CFAP92: variants seen among roughly 807,000 people sequenced by gnomAD.
The protein encoded by CFAP92 is uncharacterized protein CFAP92.
In CFAP92, 86 loss-of-function variants were observed where a neutral mutation model predicts 106.3. The observed-to-expected ratio is 0.81, with a 90% CI of 0.68 to 0.97. CFAP92 has a LOEUF of 0.97. Ranked by LOEUF, CFAP92 falls within the 50% of genes least tolerant of loss-of-function variation. The pLI, the probability that CFAP92 is intolerant of heterozygous loss-of-function variation, is 0.00. For missense variants in CFAP92, 1,204 were observed against 1,283.8 expected, an observed-to-expected ratio of 0.94 and a Z score of 0.95; for synonymous variants, 477 against 506.4, an observed-to-expected ratio of 0.94 and a Z score of 0.78.
In CFAP92 at chr3:129,001,697, T is replaced by G. The variant is rs1252331609; in HGVS notation, n.117+877A>C. 3 of 1,496,936 alleles carry G rather than the reference T, an allele frequency of 2.0e-6. No individual in the cohort carries two copies. The Admixed American group carries it at 6.4e-5, about 32-fold the overall frequency. The allele number at this position is 1,496,936 out of a possible 1,614,324, so 92.7% of individuals were successfully genotyped here. On this transcript the variant is annotated intron_variant and non_coding_transcript_variant, in intron 1 of 4. Coordinates refer to the CFAP92 transcript ENST00000510149. Reference sequence around the variant, plus strand: ...CGGGAGGTGACCCGTACCGGCGACCTGCGCGGCGCACGCAGTGGCTGCTGA... The same window carrying G: ...CGGGAGGTGACCCGTACCGGCGACCGGCGCGGCGCACGCAGTGGCTGCTGA...
chr3:128,997,021 G>A (rs1944505517), upstream of CFAP92, among the ~76,000 whole-genome samples: 1 of 152,232 alleles, frequency 6.6e-6, no homozygotes, highest in African/African-American at 2.4e-5. Context: ...ATGTCACTCT[G>A]CTACATGCCA....
In CFAP92 at chr3:128,945,879, C is replaced by T; in HGVS notation, c.1450G>A (p.Asp484Asn). The change falls in exon 10 of 16, where the codon GAC becomes AAC. Residue 484 changes from aspartate (D) to asparagine (N), a missense_variant. Physicochemically the swap from Asp to Asn is conservative, Grantham distance 23 (BLOSUM62 1). Coordinates refer to ENST00000645291, the MANE Select transcript of CFAP92 (RefSeq NM_001394090.1). ...EPHGTHVYFQDINVIFLGALH... is the reference protein window; with the variant it reads ...EPHGTHVYFQNINVIFLGALH... ...GCCCCAAGGAAGATGACGTTGATGT[C>T]CTGGAAATAAACGTGGGTTCCATGG... 1 of 1,474,072 alleles carries T rather than the reference C, an allele frequency of 6.8e-7. No homozygotes were observed. The highest frequency in any genetic ancestry group is 8.9e-7 in the Non-Finnish European group (1 of 1,120,980). 91.3% of individuals were successfully genotyped at this position (1,474,072 alleles called of 1,614,324 possible).
At chr3:128,977,966 T>C (rs776768202) in intron 5 of CFAP92, 79 bp downstream of exon 5, 355 of 1,575,044 alleles carry the variant, frequency 2.3e-4, no homozygotes, top group Middle Eastern at 6.8e-4. Flanking sequence ...TGCAGATGCA[T>C]TGCTCCAGCA....
Position 128,920,901 on chromosome 3 carries a change from C to A in CFAP92, c.2752-4630G>T, listed in dbSNP as rs185879051. ...GATTGTGTCTTAAACTAGAAGAATA[C>A]GTTTCCCATTATCTCAAGTAGCAGA... On this transcript the variant is annotated intron_variant, in intron 12 of 15. Transcript: ENST00000645291. Among the ~76,000 whole-genome samples the A allele has an allele frequency of 3.9e-5, 6 of 152,338 alleles. No individual in the cohort carries two copies. In the East Asian group the frequency reaches 5.8e-4, roughly 15 times the overall value.
intron 9 of CFAP92, among the ~76,000 whole-genome samples, chr3:128,962,782 C>A (rs1018409920): frequency 1.3e-5 from 2 of 152,140 alleles, no homozygotes; most frequent in African/African-American, 4.8e-5. Context: ...CTCTCCTTAC[C>A]ATTCCCCCAT....
chr3:128,924,168 A>T (rs1043630611), intron 12 of CFAP92, among the ~76,000 whole-genome samples: 7 of 152,156 alleles, frequency 4.6e-5, no homozygotes, highest in Non-Finnish European at 1.0e-4. Flanking sequence ...CAGGACTTGC[A>T]TGTCTGATAT....
In CFAP92 at chr3:128,975,812, AGCT is replaced by A. The variant is rs1943118565; in HGVS notation, c.985_987del (p.Ser329del). The A allele has an allele frequency of 6.2e-7, 1 of 1,605,318 alleles. No individual in the cohort carries two copies. The highest frequency in any genetic ancestry group is 8.5e-7 in the Non-Finnish European group (1 of 1,175,794). ...CTTTGTCTGTCTAATATGTTTGTTA[AGCT>A]GCTAAGTGATTCACTCTCAATTAAT... On this transcript the variant is annotated inframe_deletion, in exon 7 of 16. Transcript: ENST00000645291.
At chr3:128,923,520 G>A (rs540669388) in intron 12 of CFAP92, among the ~76,000 whole-genome samples, 10 of 152,342 alleles carry the variant, frequency 6.6e-5, no homozygotes, top group African/African-American at 2.4e-4. Flanking sequence ...GCATGAAGAA[G>A]TTGCAGAAGA....
chr3:129,020,429 G>A, the CFAP92 span, among the ~76,000 whole-genome samples: 1 of 152,122 alleles, frequency 6.6e-6, no homozygotes, highest in Non-Finnish European at 1.5e-5. Context: ...TTGAGCCCAG[G>A]AGTTCAAGAT....
At chr3:128,926,273 T>C (rs548021350) in intron 12 of CFAP92, among the ~76,000 whole-genome samples, 2 of 152,186 alleles carry the variant, frequency 1.3e-5, no homozygotes, top group East Asian at 3.9e-4. Flanking sequence ...CCCAGCACTT[T>C]TGGAAGGCTG....
At chr3:129,002,228 T>C (rs1388954063) in intron 1 of CFAP92, 1 of 1,529,168 alleles carries the variant, frequency 6.5e-7, no homozygotes, top group Non-Finnish European at 8.7e-7. Flanking sequence ...GTGAGCGCGT[T>C]GCGCGGCTGG....
intron 4 of CFAP92, among the ~76,000 whole-genome samples, chr3:128,987,272 T>C (rs1226789283): frequency 1.3e-5 from 2 of 152,164 alleles, no homozygotes. Flanking sequence ...TTTTAAGTTT[T>C]CTCTTTTGTT....
intron 9 of CFAP92, among the ~76,000 whole-genome samples, chr3:128,948,752 ACTC>A (rs1940507573): frequency 1.3e-5 from 2 of 148,652 alleles, no homozygotes; most frequent in Admixed American, 6.8e-5. Context: ...CTGGTCTTGA[ACTC>A]CTGACCTCAA....
At chr3:128,976,477 G>A (rs1034867287) in intron 6 of CFAP92, among the ~76,000 whole-genome samples, 4 of 152,002 alleles carry the variant, frequency 2.6e-5, no homozygotes, top group African/African-American at 4.8e-5. Flanking sequence ...ATGTTCTCTC[G>A]GTTCTTCTCA....
At chr3:129,025,235 A>T in the CFAP92 span, among the ~76,000 whole-genome samples, 1 of 152,200 alleles carries the variant, frequency 6.6e-6, no homozygotes, top group Non-Finnish European at 1.5e-5. Context: ...GAGCGAGTGC[A>T]CACTGAGGAG....
intron 1 of CFAP92, among the ~76,000 whole-genome samples, chr3:129,001,415 C>G (rs1944737439): frequency 6.6e-6 from 1 of 152,216 alleles, no homozygotes; most frequent in Non-Finnish European, 1.5e-5. Flanking sequence ...CCCGGGGGTT[C>G]CTGGACCCCC....
At chr3:128,978,470 G>A (rs35979399) in intron 4 of CFAP92, among the ~76,000 whole-genome samples, 47,496 of 151,976 alleles carry the variant, frequency 0.31, 7,619 homozygotes, top group East Asian at 0.56. Flanking sequence ...GCTCATGTCC[G>A]TAATCCCAGC....
intron 9 of CFAP92, among the ~76,000 whole-genome samples, chr3:128,960,084 C>T (rs547625605): frequency 2.0e-5 from 3 of 152,308 alleles, no homozygotes; most frequent in South Asian, 4.1e-4. Context: ...AGAGAACAAC[C>T]CCCTTTGACT....
At chr3:128,972,397 A>C (rs1373018269) in intron 7 of CFAP92, among the ~76,000 whole-genome samples, 1 of 151,900 alleles carries the variant, frequency 6.6e-6, no homozygotes, top group Admixed American at 6.6e-5. Flanking sequence ...GCGTGCTACC[A>C]CGCCCAGCTA....
Sources: allele counts gnomAD v4.1 joint callset (sites outside exome capture counted in the v4.1 genomes callset), GRCh38; gene constraint gnomAD v4.1.1; transcripts MANE v1.5; gene names NCBI Gene and HGNC (gene_info 2026-07-23, HGNC 2026-07-21).